Variants in EVI5 observed in about 807,000 individuals in gnomAD.
The protein encoded by EVI5 is ecotropic viral integration site 5.
A neutral mutation model predicts 112.0 loss-of-function variants in EVI5; 73 were observed. That is an observed-to-expected ratio of 0.65 (90% CI 0.54 to 0.79). The LOEUF (loss-of-function observed/expected upper bound fraction) is 0.79, where lower values mean the gene tolerates loss of function less well. EVI5 is among the 30% of genes least tolerant of loss of function. The pLI is 0.00. For missense variants in EVI5, 900 were observed against 968.8 expected, an observed-to-expected ratio of 0.93 and a Z score of 0.94; for synonymous variants, 305 against 319.9, an observed-to-expected ratio of 0.95 and a Z score of 0.50.
At chr1:92,714,839 C>T (rs1344578730) in intron 2 of EVI5, among the ~76,000 whole-genome samples, 2 of 152,116 alleles carry the variant, frequency 1.3e-5, no homozygotes, top group African/African-American at 4.8e-5. Context: ...AATTCTCCCA[C>T]CTCGGACTCC....
chr1:92,733,502 G>A (rs746616292), intron 2 of EVI5, among the ~76,000 whole-genome samples: 16 of 150,038 alleles, frequency 1.1e-4, no homozygotes, highest in Non-Finnish European at 1.9e-4. Context: ...CACCTCCCAC[G>A]CTCAAGCAAT....
chr1:92,675,260 C>T (rs540669055), intron 10 of EVI5, among the ~76,000 whole-genome samples: 1 of 152,256 alleles, frequency 6.6e-6, no homozygotes, highest in African/African-American at 2.4e-5. Flanking sequence ...GAGAGGATCG[C>T]TTGAGCGCGG....
At chr1:92,749,866 A>T (rs1679902416) in intron 1 of EVI5, among the ~76,000 whole-genome samples, 1 of 152,180 alleles carries the variant, frequency 6.6e-6, no homozygotes, top group Non-Finnish European at 1.5e-5. Flanking sequence ...AAATATCCAT[A>T]CTAATTCATG....
chr1:92,778,203 C>T (rs1168650423), intron 1 of EVI5, among the ~76,000 whole-genome samples: 4 of 151,898 alleles, frequency 2.6e-5, no homozygotes, highest in Admixed American at 1.3e-4. Context: ...CACTGCACCC[C>T]GCCAAAGATG....
chr1:92,651,921 G>A (rs929108885), intron 13 of EVI5, among the ~76,000 whole-genome samples: 4 of 151,254 alleles, frequency 2.6e-5, no homozygotes. Flanking sequence ...TGGTACAGTT[G>A]CTATAGATAA....
At chr1:92,639,307 T>C (rs1294843938) in intron 13 of EVI5, among the ~76,000 whole-genome samples, 2 of 152,178 alleles carry the variant, frequency 1.3e-5, no homozygotes, top group East Asian at 1.9e-4. Context: ...TGCTTGTGTC[T>C]TGAGCTTAAA....
At chr1:92,776,294 A>G (rs1168537131) in intron 1 of EVI5, among the ~76,000 whole-genome samples, 1 of 152,164 alleles carries the variant, frequency 6.6e-6, no homozygotes, top group Non-Finnish European at 1.5e-5. Flanking sequence ...ATAAACATTG[A>G]TAACATTTCT....
intron 1 of EVI5, among the ~76,000 whole-genome samples, chr1:92,771,311 T>C (rs1460900288): frequency 1.3e-5 from 2 of 152,026 alleles, no homozygotes; most frequent in Non-Finnish European, 2.9e-5. Context: ...TTCTACTCCA[T>C]CCTTCCTACA....
Position 92,511,097 on chromosome 1 carries a change from TC to T in EVI5, c.*2558del, listed in dbSNP as rs1659161604. 1 of 152,156 alleles carries T rather than the reference TC, an allele frequency of 6.6e-6. No homozygotes were observed. Among genetic ancestry groups the T allele is most frequent in the Admixed American group, 6.5e-5 (1 of 15,286 alleles). 9.4% of individuals were successfully genotyped at this position (152,156 alleles called of 1,614,324 possible). On this transcript the variant is annotated 3_prime_UTR_variant, in exon 20 of 20. Transcript: ENST00000684568. ...GTAAGTGTTGATACTCATCTATCTA[TC>T]TGTATATATATTCAGGAAACATTTA...
chr1:92,534,569 G>T (rs556497382), intron 19 of EVI5, among the ~76,000 whole-genome samples: 32 of 152,260 alleles, frequency 2.1e-4, no homozygotes, highest in African/African-American at 7.2e-4. Context: ...CATGGTACTG[G>T]TGCCAAAACA....
In EVI5 at chr1:92,575,419, T is replaced by C. The variant is rs574229795; in HGVS notation, c.2071-11682A>G. On this transcript the variant is annotated intron_variant, in intron 18 of 19. Coordinates refer to ENST00000684568, the MANE Select transcript of EVI5 (RefSeq NM_001350197.2). ...TTAAATTTACAGTAAGTCCATAATA[T>C]CACTGAAGATAGTTTTTTTTCAGAT... 2.6e-5 allele frequency among the ~76,000 whole-genome samples: 4 copies of C among 152,248 alleles called. No homozygotes were observed. The South Asian group carries it at 8.3e-4, about 32-fold the overall frequency.
At chr1:92,744,877 T>G (rs976555943) in intron 1 of EVI5, among the ~76,000 whole-genome samples, 7 of 152,172 alleles carry the variant, frequency 4.6e-5, no homozygotes, top group Non-Finnish European at 1.0e-4. Context: ...CAGGCATTAT[T>G]ATACACTGTC....
At chr1:92,732,904 AAAAAAAAAAAAAAAATTACACT>A (rs1453075611) in intron 2 of EVI5, among the ~76,000 whole-genome samples, 1 of 126,944 alleles carries the variant, frequency 7.9e-6, no homozygotes, top group Non-Finnish European at 1.5e-5. Flanking sequence ...ATCTCAAAAA[AAAAAAAAAAAAAAAATTACACT>A]AACAGGCCAG....
In EVI5 at chr1:92,509,847, T is replaced by C. The variant is rs1207405416; in HGVS notation, c.*3809A>G. ...GCTTTCTTATTATGAGTCATTTCAT[T>C]CACTTTTCTCCCCTGAATATACTCA... On this transcript the variant is annotated 3_prime_UTR_variant, in exon 20 of 20. Transcript: ENST00000684568. 1 of 152,212 alleles carries C rather than the reference T, an allele frequency of 6.6e-6. No individual in the cohort carries two copies. Among genetic ancestry groups the C allele is most frequent in the Non-Finnish European group, 1.5e-5 (1 of 68,036 alleles). The allele number at this position is 152,212 out of a possible 1,614,324, so 9.4% of individuals were successfully genotyped here. A position where few individuals can be genotyped will look rare whatever the true frequency, so the allele number is the denominator to read the frequency against.
intron 19 of EVI5, among the ~76,000 whole-genome samples, chr1:92,534,522 T>C (rs1321179551): frequency 6.6e-6 from 1 of 152,158 alleles, no homozygotes; most frequent in Admixed American, 6.5e-5. Flanking sequence ...GCTACCTGAC[T>C]TCAAACTATA....
chr1:92,659,848 G>A (rs1162351672), intron 13 of EVI5, among the ~76,000 whole-genome samples: 1 of 151,854 alleles, frequency 6.6e-6, no homozygotes, highest in Non-Finnish European at 1.5e-5. Flanking sequence ...ATCCATTGAT[G>A]GATGACTGAA....
chr1:92,735,221 T>TA, intron 2 of EVI5, among the ~76,000 whole-genome samples: 1 of 152,264 alleles, frequency 6.6e-6, no homozygotes, highest in Admixed American at 6.5e-5. Flanking sequence ...TGGAATACTA[T>TA]AAAAAGGAAT....
intron 19 of EVI5, among the ~76,000 whole-genome samples, chr1:92,530,101 T>C (rs1662609105): frequency 1.3e-5 from 2 of 152,200 alleles, no homozygotes; most frequent in Admixed American, 1.3e-4. Flanking sequence ...GGATTATTTC[T>C]TAATCATATT....
chr1:92,670,424 T>C (rs528486037), intron 10 of EVI5, among the ~76,000 whole-genome samples: 1 of 152,314 alleles, frequency 6.6e-6, no homozygotes. Context: ...CTTGATGTTC[T>C]CTATTCCTTC....
Sources: gnomAD v4.1 joint callset for allele counts (sites outside exome capture counted in the v4.1 genomes callset) on GRCh38, gnomAD v4.1.1 for gene constraint, MANE v1.5 for transcripts, NCBI Gene and HGNC (gene_info 2026-07-23, HGNC 2026-07-21) for gene names.